The following CNTN5 variants were observed in gnomAD, a reference collection of about 807,000 sequenced individuals.
The protein encoded by CNTN5 is contactin-5.
Under a neutral mutation model 129.1 loss-of-function variants are expected in CNTN5, and 77 were observed. That is an observed-to-expected ratio of 0.60 (90% CI 0.50 to 0.72). The LOEUF (loss-of-function observed/expected upper bound fraction) is 0.72, where lower values mean the gene tolerates loss of function less well. Ranked by LOEUF, CNTN5 falls within the 30% of genes least tolerant of loss-of-function variation. The pLI is 0.00. For synonymous variants in CNTN5, 509 were observed against 465.6 expected, an observed-to-expected ratio of 1.09 and a Z score of -1.20; for missense variants, 1,478 against 1,328.8, an observed-to-expected ratio of 1.11 and a Z score of -1.75.
rs932362158 is a variant in CNTN5, at chr11:100,242,326, CT to C, written c.2006-13426del. Among the ~76,000 whole-genome samples the C allele has an allele frequency of 8.5e-4, 129 of 152,214 alleles. 1 individual carries two copies. The highest frequency in any genetic ancestry group is 3.9e-3 in the East Asian group (20 of 5,180). On this transcript the variant is annotated intron_variant, in intron 16 of 24. Transcript: ENST00000524871. Reference sequence around the variant, plus strand: ...CCTCTTCCCCATCCAATTTTCACCACTTTTTTTTCTTCATTGCGTTTGTTAC... The same window carrying C: ...CCTCTTCCCCATCCAATTTTCACCACTTTTTTTCTTCATTGCGTTTGTTAC...
chr11:100,262,731 T>C (rs1271825770), intron 17 of CNTN5, among the ~76,000 whole-genome samples: 3 of 151,940 alleles, frequency 2.0e-5, no homozygotes, highest in South Asian at 2.1e-4. Flanking sequence ...TAAGTGGAAG[T>C]TGAACAAGGA....
intron 24 of CNTN5, among the ~76,000 whole-genome samples, 175 bp from the exon 25 acceptor site, chr11:100,355,942 C>T (rs1164640581): frequency 2.0e-5 from 3 of 151,720 alleles, no homozygotes; most frequent in African/African-American, 7.2e-5. Context: ...ATACTTGTCC[C>T]TTCTATATAA....
Position 99,912,218 on chromosome 11 carries a change from T to G in CNTN5, c.578-3836T>G, listed in dbSNP as rs185627867. ...AAAAAGGAAGGAAATAAAGGAAAAA[T>G]CTAAAGTCTGTGTGTATGTGTGTTC... On this transcript the variant is annotated intron_variant, in intron 6 of 24. Transcript: ENST00000524871. Among the ~76,000 whole-genome samples the G allele has an allele frequency of 2.0e-5, 3 of 151,810 alleles. No homozygotes were observed. The East Asian group carries it at 5.8e-4, about 30-fold the overall frequency.
chr11:99,802,640 TAG>T (rs1015900552), intron 3 of CNTN5, among the ~76,000 whole-genome samples: 43 of 152,304 alleles, frequency 2.8e-4, no homozygotes, highest in African/African-American at 1.0e-3. Flanking sequence ...GCATTGACTG[TAG>T]AGGCCTTGCT....
At chr11:100,090,053 C>T (rs539593014) in intron 13 of CNTN5, among the ~76,000 whole-genome samples, 11 of 152,162 alleles carry the variant, frequency 7.2e-5, no homozygotes, top group Admixed American at 4.6e-4. Flanking sequence ...CTTTAAATTA[C>T]ACTTTTAAAA....
intron 13 of CNTN5, among the ~76,000 whole-genome samples, chr11:100,107,264 TAGA>T (rs777038047): frequency 4.6e-5 from 7 of 152,104 alleles, no homozygotes; most frequent in Non-Finnish European, 1.0e-4. Context: ...TTGAGGGAAA[TAGA>T]AGCCCCTAGT....
At chr11:99,062,116 G>GA (rs1191824917) in intron 1 of CNTN5, among the ~76,000 whole-genome samples, 1 of 152,050 alleles carries the variant, frequency 6.6e-6, no homozygotes, top group African/African-American at 2.4e-5. Context: ...TCAAGATGAA[G>GA]AAAAAAACCC....
chr11:99,657,877 C>A (rs1952437555), intron 3 of CNTN5, among the ~76,000 whole-genome samples: 1 of 152,118 alleles, frequency 6.6e-6, no homozygotes, highest in Non-Finnish European at 1.5e-5. Flanking sequence ...TTACTAGACC[C>A]ATTCAGAATT....
At chr11:100,147,196 C>A (rs911643290) in intron 13 of CNTN5, among the ~76,000 whole-genome samples, 1 of 152,140 alleles carries the variant, frequency 6.6e-6, no homozygotes, top group African/African-American at 2.4e-5. Flanking sequence ...CTGCTGAAGT[C>A]CCCTGAGACT....
At chr11:100,267,350 C>G (rs1950327771) in intron 17 of CNTN5, among the ~76,000 whole-genome samples, 1 of 151,712 alleles carries the variant, frequency 6.6e-6, no homozygotes, top group East Asian at 1.9e-4. Context: ...AGATCACAGC[C>G]CCACTCTTAT....
intron 2 of CNTN5, among the ~76,000 whole-genome samples, chr11:99,495,569 AG>A (rs890322294): frequency 4.3e-4 from 66 of 152,146 alleles, no homozygotes; most frequent in Non-Finnish European, 7.3e-5. Flanking sequence ...CAATTTTGTA[AG>A]AGAAAATATA....
intron 2 of CNTN5, among the ~76,000 whole-genome samples, chr11:99,380,125 AT>A (rs1940448442): frequency 1.3e-5 from 2 of 151,458 alleles, no homozygotes; most frequent in African/African-American, 4.8e-5. Context: ...TGTGTGTTAA[AT>A]AAATGCTACT....
chr11:99,594,505 G>T (rs1950069010), intron 3 of CNTN5, among the ~76,000 whole-genome samples: 1 of 152,132 alleles, frequency 6.6e-6, no homozygotes, highest in Non-Finnish European at 1.5e-5. Flanking sequence ...GTTAAGAAGG[G>T]TCCTGTACTT....
At chr11:100,077,223 A>T (rs1335353581) in intron 13 of CNTN5, among the ~76,000 whole-genome samples, 1 of 152,190 alleles carries the variant, frequency 6.6e-6, no homozygotes, top group Non-Finnish European at 1.5e-5. Flanking sequence ...AGACTTCAAA[A>T]AGTTTGTGTC....
chr11:99,744,135 A>G (rs899734633), intron 3 of CNTN5, among the ~76,000 whole-genome samples: 5 of 152,178 alleles, frequency 3.3e-5, no homozygotes, highest in Non-Finnish European at 7.3e-5. Context: ...CCATATCACC[A>G]GAATAGTGCT....
chr11:99,430,732 G>T (rs1026682372), intron 2 of CNTN5, among the ~76,000 whole-genome samples: 5 of 151,838 alleles, frequency 3.3e-5, no homozygotes, highest in African/African-American at 9.7e-5. Context: ...AAAACAAAAG[G>T]TTGGGGGGGC....
chr11:99,392,603 T>C (rs1941320989), intron 2 of CNTN5, among the ~76,000 whole-genome samples: 1 of 151,850 alleles, frequency 6.6e-6, no homozygotes, highest in Admixed American at 6.6e-5. Flanking sequence ...CCCCAAGACA[T>C]CGAATAAAAC....
chr11:99,529,352 T>C (rs554746675), intron 2 of CNTN5, among the ~76,000 whole-genome samples: 4 of 152,264 alleles, frequency 2.6e-5, no homozygotes, highest in Admixed American at 1.3e-4. Flanking sequence ...AGTCCACAAA[T>C]CTACCCCTTG....
intron 4 of CNTN5, among the ~76,000 whole-genome samples, chr11:99,843,563 A>G (rs965341758): frequency 6.6e-6 from 1 of 152,098 alleles, no homozygotes; most frequent in Non-Finnish European, 1.5e-5. Context: ...TATTGGAACT[A>G]TGTCTTTACT....
Sources: allele counts gnomAD v4.1 joint callset (sites outside exome capture counted in the v4.1 genomes callset), GRCh38; gene constraint gnomAD v4.1.1; transcripts MANE v1.5; gene names NCBI Gene and HGNC (gene_info 2026-07-23, HGNC 2026-07-21).